UNC5C: variants seen among roughly 807,000 people sequenced by gnomAD.
UNC5C encodes netrin receptor UNC5C.
In UNC5C, 47 loss-of-function variants were observed where a neutral mutation model predicts 99.8. The ratio of observed to expected loss-of-function variants is 0.47; its 90% CI spans 0.37 to 0.60. UNC5C has a LOEUF of 0.60. Ranked by LOEUF, UNC5C falls within the 20% of genes least tolerant of loss-of-function variation. The pLI is 0.00. For synonymous variants in UNC5C, 487 were observed against 452.2 expected, an observed-to-expected ratio of 1.08 and a Z score of -0.98; for missense variants, 1,062 against 1,165.9, an observed-to-expected ratio of 0.91 and a Z score of 1.30.
At chr4:95,431,070 A>G (rs1167449884) in intron 1 of UNC5C, among the ~76,000 whole-genome samples, 1 of 152,056 alleles carries the variant, frequency 6.6e-6, no homozygotes, top group Non-Finnish European at 1.5e-5. Context: ...TTTTTACTCA[A>G]GTAAACCTGA....
intron 1 of UNC5C, among the ~76,000 whole-genome samples, chr4:95,520,724 G>A (rs915914873): frequency 1.1e-4 from 16 of 150,660 alleles, no homozygotes; most frequent in Middle Eastern, 3.2e-3. Flanking sequence ...TCAGCCTCCC[G>A]AGTAGCTGGA....
At chr4:95,414,873 T>C (rs1746114130) in intron 1 of UNC5C, among the ~76,000 whole-genome samples, 1 of 152,230 alleles carries the variant, frequency 6.6e-6, no homozygotes, top group South Asian at 2.1e-4. Context: ...GAAAATGATC[T>C]GGATAATTAT....
chr4:95,526,340 G>A (rs555170519), intron 1 of UNC5C, among the ~76,000 whole-genome samples: 1 of 152,152 alleles, frequency 6.6e-6, no homozygotes, highest in Admixed American at 6.5e-5. Context: ...CTACCTCTGA[G>A]TCACTATAAT....
rs112292773 is a variant in UNC5C, at chr4:95,497,529, C to T, written c.124+51205G>A. ...AGGGCAATCACTGTGCTGGTCTTCA[C>T]GCTGTGTAGATAAGACATGGGCTAT... On this transcript the variant is annotated intron_variant, in intron 1 of 15. Transcript: ENST00000453304. Among the ~76,000 whole-genome samples, 52 of 151,882 alleles carry T rather than the reference C, an allele frequency of 3.4e-4. 1 individual carries two copies. The East Asian group carries it at 9.7e-3, about 28-fold the overall frequency.
chr4:95,526,471 T>C (rs1383878675), intron 1 of UNC5C, among the ~76,000 whole-genome samples: 2 of 152,082 alleles, frequency 1.3e-5, no homozygotes, highest in African/African-American at 4.8e-5. Flanking sequence ...TAAATATTCT[T>C]CCACACTAAT....
intron 2 of UNC5C, among the ~76,000 whole-genome samples, chr4:95,316,152 T>C (rs900460820): frequency 2.0e-5 from 3 of 152,134 alleles, no homozygotes; most frequent in African/African-American, 7.2e-5. Context: ...AAAAGGAAGA[T>C]AGCATGACCT....
At chr4:95,312,552 TAATA>T (rs1334006465) in intron 2 of UNC5C, among the ~76,000 whole-genome samples, 1 of 152,182 alleles carries the variant, frequency 6.6e-6, no homozygotes, top group East Asian at 1.9e-4. Flanking sequence ...GTCAAATCTA[TAATA>T]AATATGTAAA....
chr4:95,487,516 C>T (rs1560853068), intron 1 of UNC5C, among the ~76,000 whole-genome samples: 1 of 151,330 alleles, frequency 6.6e-6, no homozygotes, highest in East Asian at 2.0e-4. Flanking sequence ...AATAAAACTG[C>T]TTTTTGCCTA....
intron 1 of UNC5C, among the ~76,000 whole-genome samples, chr4:95,470,915 A>G (rs955912316): frequency 2.6e-5 from 4 of 152,126 alleles, no homozygotes; most frequent in African/African-American, 9.7e-5. Flanking sequence ...TAATTTTTCA[A>G]CAAGATTAAT....
Position 95,329,935 on chromosome 4 carries a change from T to A in UNC5C, c.346+5475A>T, listed in dbSNP as rs75104435. 6.0e-3 allele frequency among the ~76,000 whole-genome samples: 907 copies of A among 152,292 alleles called. 22 individuals carry two copies. Among genetic ancestry groups the A allele is most frequent in the Admixed American group, 0.049 (747 of 15,288 alleles). ...ATGGTGATGGTGGCGATGATGATGA[T>A]GATTTTAAGCCCCAACATCTAGCAT... On this transcript the variant is annotated intron_variant, in intron 2 of 15. Transcript: ENST00000453304.
At chr4:95,357,126 C>CTT (rs758274172) in intron 1 of UNC5C, among the ~76,000 whole-genome samples, 4 of 110,848 alleles carry the variant, frequency 3.6e-5, no homozygotes, top group Non-Finnish European at 7.1e-5. Context: ...TCTTGTTTTC[C>CTT]TTTTTTTTGT....
intron 1 of UNC5C, among the ~76,000 whole-genome samples, chr4:95,425,431 C>T (rs746569552): frequency 1.3e-5 from 2 of 152,268 alleles, no homozygotes; most frequent in Non-Finnish European, 2.9e-5. Context: ...CCGCCATTCT[C>T]CTGCTTCAGC....
At chr4:95,252,800 A>G (rs1324390557) in intron 4 of UNC5C, among the ~76,000 whole-genome samples, 2 of 152,246 alleles carry the variant, frequency 1.3e-5, no homozygotes, top group Non-Finnish European at 2.9e-5. Flanking sequence ...AGCATCCCCA[A>G]GGGAATGACG....
intron 3 of UNC5C, among the ~76,000 whole-genome samples, chr4:95,299,639 A>G (rs538914563): frequency 5.8e-4 from 89 of 152,308 alleles, no homozygotes; most frequent in South Asian, 4.4e-3. Flanking sequence ...AGGCCTCATA[A>G]TCATGGTGGA....
At chr4:95,397,456 G>C (rs954689667) in intron 1 of UNC5C, among the ~76,000 whole-genome samples, 2 of 152,126 alleles carry the variant, frequency 1.3e-5, no homozygotes, top group African/African-American at 4.8e-5. Context: ...GCATCTAAAG[G>C]ATTTAGTTAA....
chr4:95,279,873 G>A (rs183804022), intron 3 of UNC5C, among the ~76,000 whole-genome samples: 7 of 152,140 alleles, frequency 4.6e-5, no homozygotes, highest in Admixed American at 2.6e-4. Flanking sequence ...CGGGGCATGG[G>A]GGGGATGGCT....
chr4:95,229,235 T>C (rs1292452974), intron 7 of UNC5C, among the ~76,000 whole-genome samples: 1 of 152,182 alleles, frequency 6.6e-6, no homozygotes, highest in Non-Finnish European at 1.5e-5. Context: ...CCCATCAACC[T>C]GTCATCTACA....
At chr4:95,398,768 G>T (rs1409468967) in intron 1 of UNC5C, among the ~76,000 whole-genome samples, 1 of 151,992 alleles carries the variant, frequency 6.6e-6, no homozygotes, top group Non-Finnish European at 1.5e-5. Context: ...TCAGTGGGAT[G>T]GTTTTTGCTA....
intron 7 of UNC5C, among the ~76,000 whole-genome samples, chr4:95,228,942 C>G (rs1480746012): frequency 1.3e-5 from 2 of 152,148 alleles, no homozygotes; most frequent in Non-Finnish European, 2.9e-5. Context: ...CATTTCCACT[C>G]TAATGTGACT....
Sources: allele counts gnomAD v4.1 joint callset (sites outside exome capture counted in the v4.1 genomes callset), GRCh38; gene constraint gnomAD v4.1.1; transcripts MANE v1.5; gene names NCBI Gene and HGNC (gene_info 2026-07-23, HGNC 2026-07-21).